Variants in CHN2 observed in about 807,000 individuals in gnomAD.
The protein encoded by CHN2 is chimerin 2.
Under a neutral mutation model 56.3 loss-of-function variants are expected in CHN2, and 35 were observed. The ratio of observed to expected loss-of-function variants is 0.62; its 90% CI spans 0.47 to 0.82. The LOEUF is 0.82. Among genes scored for constraint, CHN2 ranks in the 40% least tolerant of loss-of-function variants. The probability of loss-of-function intolerance (pLI) is 0.00; values close to 1 mark genes in which losing one functional copy is unlikely to be tolerated. For missense variants in CHN2, 491 were observed against 580.5 expected (o/e 0.85, Z 1.58); for synonymous variants, 210 against 212.8 (o/e 0.99, Z 0.12).
At chr7:29,187,698 A>C (rs1292519770) in intron 2 of CHN2, among the ~76,000 whole-genome samples, 1 of 152,162 alleles carries the variant, frequency 6.6e-6, no homozygotes, top group Non-Finnish European at 1.5e-5. Context: ...ATTGCACTCC[A>C]GCCTGGGCAA....
chr7:29,226,149 T>C (rs1786177343), intron 1 of CHN2, among the ~76,000 whole-genome samples: 1 of 152,210 alleles, frequency 6.6e-6, no homozygotes. Flanking sequence ...TGAGCTGTCT[T>C]TTCTCAATTG....
intron 2 of CHN2, among the ~76,000 whole-genome samples, chr7:29,365,905 G>A (rs762415566): frequency 1.1e-4 from 16 of 152,298 alleles, no homozygotes; most frequent in Non-Finnish European, 1.6e-4. Flanking sequence ...CTTGGAGTAG[G>A]GTGTTAATGA....
At chr7:29,171,530 C>A (rs1030797538) in intron 2 of CHN2, among the ~76,000 whole-genome samples, 2 of 152,150 alleles carry the variant, frequency 1.3e-5, no homozygotes, top group Non-Finnish European at 2.9e-5. Flanking sequence ...CCCGAGCTTT[C>A]TTTGAAGGGC....
At chr7:29,271,620 C>A (rs775438781) in intron 1 of CHN2, among the ~76,000 whole-genome samples, 2 of 152,172 alleles carry the variant, frequency 1.3e-5, no homozygotes, top group Non-Finnish European at 2.9e-5. Context: ...TAAGAAATAA[C>A]ACTTATAAGG....
At chr7:29,392,959 C>G (rs192908540) in intron 3 of CHN2, among the ~76,000 whole-genome samples, 1 of 152,212 alleles carries the variant, frequency 6.6e-6, no homozygotes, top group Non-Finnish European at 1.5e-5. Context: ...CATGAGAAAT[C>G]ATGTCACTTT....
intron 1 of CHN2, among the ~76,000 whole-genome samples, chr7:29,219,809 G>A (rs1785626309): frequency 6.6e-6 from 1 of 152,200 alleles, no homozygotes; most frequent in Non-Finnish European, 1.5e-5. Context: ...GGGCGCCGTG[G>A]CTCATGCCTG....
In CHN2 at chr7:29,283,995, C is replaced by T. The variant is rs1791944216; in HGVS notation, c.50-70630C>T. 4.2e-5 allele frequency among the ~76,000 whole-genome samples: 6 copies of T among 142,706 alleles called. No homozygotes were observed. In the Admixed American group the frequency reaches 4.5e-4, roughly 11 times the overall value. The allele number at this position is 142,706 out of a possible 152,430, so 93.6% of individuals were successfully genotyped here. ...TGGAGTGGCTCACTGCAACCTCTGC[C>T]TCCCAGGTTCAAGCGATTCTCCTGT... On this transcript the variant is annotated intron_variant, in intron 1 of 12. Coordinates refer to ENST00000222792, the MANE Select transcript of CHN2 (RefSeq NM_004067.4).
At position 29,459,553 on chromosome 7, in the gene CHN2, A is replaced by T. The variant is rs118002881; in HGVS notation, c.577-20726A>T. 5.9e-3 allele frequency among the ~76,000 whole-genome samples: 905 copies of T among 152,286 alleles called. 3 individuals are homozygous for T. The highest frequency in any genetic ancestry group is 0.01 in the Non-Finnish European group (693 of 68,016). On this transcript the variant is annotated intron_variant, in intron 6 of 12. Coordinates refer to ENST00000222792, the MANE Select transcript of CHN2 (RefSeq NM_004067.4). ...CACAGTTGCCTCAAGATGCAATACA[A>T]CATCTGTTTCATTGTCCAGGGTGGG... is the stretch of plus-strand genomic sequence containing the variant.
exon 1 of CHN2, chr7:29,146,692 C>T (rs1792740817): frequency 1.9e-6 from 3 of 1,550,646 alleles, no homozygotes; most frequent in Non-Finnish European, 2.6e-6. Context: ...AAGCAAGCAG[C>T]CCCAGGGTGG....
rs567081900 is a variant in CHN2, at chr7:29,456,537, C to T, written c.577-23742C>T. Among the ~76,000 whole-genome samples the T allele has an allele frequency of 2.6e-5, 4 of 152,220 alleles. No homozygotes were observed. In the South Asian group the frequency reaches 6.2e-4, roughly 24 times the overall value. On this transcript the variant is annotated intron_variant, in intron 6 of 12. Transcript: ENST00000222792. ...TGTATGAGCTCCAGGGTTTAAGTCT[C>T]AAGCTCACAATGCATGAATGTCCCC...
In CHN2 at chr7:29,456,714, G is replaced by A. The variant is rs1784797338; in HGVS notation, c.577-23565G>A. Among the ~76,000 whole-genome samples, 3 of 151,626 alleles carry A rather than the reference G, an allele frequency of 2.0e-5. No homozygotes were observed. In the East Asian group the frequency reaches 5.9e-4, roughly 30 times the overall value. On this transcript the variant is annotated intron_variant, in intron 6 of 12. Coordinates refer to ENST00000222792, the MANE Select transcript of CHN2 (RefSeq NM_004067.4). Reference sequence around the variant, plus strand: ...CTGTGTTTTCACCGGCACTCCAGGTGATATTCTGATTCAGGTGATCTGAGG... The same window carrying A: ...CTGTGTTTTCACCGGCACTCCAGGTAATATTCTGATTCAGGTGATCTGAGG...
chr7:29,292,915 C>G (rs1477005362), intron 1 of CHN2: 1 of 456,304 alleles, frequency 2.2e-6, no homozygotes, highest in Non-Finnish European at 4.4e-6. Flanking sequence ...CCACTCTTGC[C>G]TCTCTTCAGT....
intron 7 of CHN2, 45 bp from the exon 8 acceptor site, chr7:29,495,907 A>C: frequency 6.4e-7 from 1 of 1,558,738 alleles, no homozygotes; most frequent in East Asian, 2.2e-5. Flanking sequence ...CCTGCCTTTA[A>C]ATGACTCTGA....
At chr7:29,234,751 CT>C (rs1309307705) in intron 1 of CHN2, among the ~76,000 whole-genome samples, 1 of 152,228 alleles carries the variant, frequency 6.6e-6, no homozygotes, top group Non-Finnish European at 1.5e-5. Flanking sequence ...GTACTCACCA[CT>C]TTTAAGAAAG....
intron 1 of CHN2, among the ~76,000 whole-genome samples, chr7:29,348,060 C>A (rs1326977350): frequency 1.3e-5 from 2 of 149,970 alleles, no homozygotes. Context: ...TGGACTTTTT[C>A]TGTTTTTCAG....
chr7:29,159,251 A>G (rs976380134), intron 2 of CHN2, among the ~76,000 whole-genome samples: 1 of 152,192 alleles, frequency 6.6e-6, no homozygotes, highest in African/African-American at 2.4e-5. Flanking sequence ...CACTTGCAGA[A>G]GAGGAAACTG....
At chr7:29,485,563 T>G (rs376354986) in intron 7 of CHN2, among the ~76,000 whole-genome samples, 24 of 152,292 alleles carry the variant, frequency 1.6e-4, no homozygotes, top group African/African-American at 5.8e-4. Flanking sequence ...AGGTGGAAAG[T>G]TGGCTGAAGC....
At chr7:29,165,248 C>T (rs1795758389) in intron 2 of CHN2, among the ~76,000 whole-genome samples, 1 of 152,042 alleles carries the variant, frequency 6.6e-6, no homozygotes, top group Non-Finnish European at 1.5e-5. Context: ...AAAGGTCTTG[C>T]ATAAGTTTTC....
At chr7:29,233,809 C>T (rs914175902) in intron 1 of CHN2, among the ~76,000 whole-genome samples, 1 of 149,050 alleles carries the variant, frequency 6.7e-6, no homozygotes, top group Non-Finnish European at 1.5e-5. Context: ...TAGAATGCAG[C>T]CCTGCCAACA....
Sources: allele counts gnomAD v4.1 joint callset (sites outside exome capture counted in the v4.1 genomes callset), GRCh38; gene constraint gnomAD v4.1.1; transcripts MANE v1.5; gene names NCBI Gene and HGNC (gene_info 2026-07-23, HGNC 2026-07-21).